TSEN2: variants seen among roughly 807,000 people sequenced by gnomAD.
TSEN2 encodes tRNA-splicing endonuclease subunit Sen2.
TSEN2 carries 54 observed loss-of-function variants against 59.2 expected under a neutral mutation model. That is an observed-to-expected ratio of 0.91 (90% confidence interval 0.73 to 1.14). The LOEUF is 1.14. TSEN2 is among the 50% of genes most tolerant of loss of function. The pLI, the probability that TSEN2 is intolerant of heterozygous loss-of-function variation, is 0.00. For missense variants in TSEN2, 636 were observed against 576.2 expected (o/e 1.10, Z -1.06); for synonymous variants, 195 against 198.2 (o/e 0.98, Z 0.14).
intron 1 of TSEN2, among the ~76,000 whole-genome samples, chr3:12,485,739 C>T (rs1178171897): frequency 6.6e-6 from 1 of 152,150 alleles, no homozygotes; most frequent in Non-Finnish European, 1.5e-5. Flanking sequence ...TTCTAAATAA[C>T]CTGCAGTGAC....
In TSEN2 at chr3:12,490,248, A is replaced by G. The variant is rs188902710; in HGVS notation, c.189+259A>G. ...ATGAAGTAGGTTCAATGGATTGACT[A>G]TTTTTTTTGTCTTTAGTTGTAAAAG... On this transcript the variant is annotated intron_variant, in intron 2 of 11. Coordinates refer to ENST00000284995, the MANE Select transcript of TSEN2 (RefSeq NM_025265.4). Among the ~76,000 whole-genome samples, 126 of 152,124 alleles carry G rather than the reference A, an allele frequency of 8.3e-4. 2 individuals carry two copies. Among genetic ancestry groups the G allele is most frequent in the African/African-American group, 2.9e-3 (122 of 41,498 alleles).
At chr3:12,535,412 A>C (rs1384098797), downstream of TSEN2, among the ~76,000 whole-genome samples, 1 of 152,210 alleles carries the variant, frequency 6.6e-6, no homozygotes, top group Non-Finnish European at 1.5e-5. Context: ...TAAAATGGTT[A>C]AACTAGGAGG....
intron 8 of TSEN2, among the ~76,000 whole-genome samples, chr3:12,523,015 T>G (rs2056772827): frequency 6.6e-6 from 1 of 152,180 alleles, no homozygotes. Flanking sequence ...AGCTTCCTTT[T>G]GTAGCAGAGG....
At chr3:12,506,578 CAA>C (rs537179433) in intron 6 of TSEN2, 6,512 of 349,140 alleles carry the variant, frequency 0.019, 1 homozygote, top group Non-Finnish European at 0.021. Flanking sequence ...GATCCTGTTT[CAA>C]AAAAAAAAAA....
At chr3:12,502,897 C>A (rs1182328360) in intron 4 of TSEN2, among the ~76,000 whole-genome samples, 1 of 151,794 alleles carries the variant, frequency 6.6e-6, no homozygotes, top group Non-Finnish European at 1.5e-5. Context: ...TATAGTGAAA[C>A]CCCATCTCTA....
chr3:12,539,622 T>C (rs2057763418), downstream of TSEN2: 1 of 161,936 alleles, frequency 6.2e-6, no homozygotes, highest in South Asian at 1.6e-4. Flanking sequence ...TGCTACCACT[T>C]TATGCTGTAA....
At chr3:12,494,311 C>A (rs992204386) in intron 3 of TSEN2, among the ~76,000 whole-genome samples, 1 of 152,024 alleles carries the variant, frequency 6.6e-6, no homozygotes, top group Admixed American at 6.5e-5. Context: ...TGCTGGTAAG[C>A]GAAGACAGCA....
Position 12,532,975 on chromosome 3 carries a change from C to G in TSEN2, c.*254C>G. ...AGAGCCTCCTGCCTCTGGCGTCAGT[C>G]TTTTCCCTCATCCACTCACTGGGGA... On this transcript the variant is annotated 3_prime_UTR_variant, in exon 12 of 12. Transcript: ENST00000284995. 1.8e-6 allele frequency: 1 copy of G among 556,526 alleles called. No individual in the cohort carries two copies. Among genetic ancestry groups the G allele is most frequent in the Admixed American group, 3.1e-5 (1 of 32,498 alleles). 34.5% of individuals were successfully genotyped at this position (556,526 alleles called of 1,614,324 possible).
chr3:12,502,303 T>A (rs2125038749), intron 4 of TSEN2, among the ~76,000 whole-genome samples: 1 of 152,264 alleles, frequency 6.6e-6, no homozygotes, highest in Non-Finnish European at 1.5e-5. Context: ...CCCAGCACTT[T>A]GGGAGGCCAA....
chr3:12,509,625 G>A (rs763073819), intron 6 of TSEN2, among the ~76,000 whole-genome samples: 10 of 152,156 alleles, frequency 6.6e-5, no homozygotes, highest in Admixed American at 3.9e-4. Context: ...TAGGGGTGGT[G>A]CAGACCAGCT....
chr3:12,507,936 A>T (rs1246729446), intron 6 of TSEN2, among the ~76,000 whole-genome samples: 2 of 152,250 alleles, frequency 1.3e-5, no homozygotes, highest in Admixed American at 1.3e-4. Flanking sequence ...GGCTTGCCAC[A>T]TGGACACAGG....
In TSEN2 at chr3:12,497,048, C is replaced by T. The variant is rs185882266; in HGVS notation, c.308+494C>T. On this transcript the variant is annotated intron_variant, in intron 4 of 11. Transcript: ENST00000284995. Reference sequence around the variant, plus strand: ...CTGCATGTGCTCAATCCTGCTCATGCCTGACCTCTCCTGGGTTTCTTTCCT... The same window carrying T: ...CTGCATGTGCTCAATCCTGCTCATGTCTGACCTCTCCTGGGTTTCTTTCCT... 6.4e-3 allele frequency among the ~76,000 whole-genome samples: 977 copies of T among 152,334 alleles called. 4 individuals are homozygous for T. Among genetic ancestry groups the T allele is most frequent in the African/African-American group, 0.022 (919 of 41,572 alleles).
At position 12,489,336 on chromosome 3, in the gene TSEN2, A is replaced by G. The variant is rs185675940; in HGVS notation, c.-17-448A>G. 7.2e-4 allele frequency among the ~76,000 whole-genome samples: 109 copies of G among 152,274 alleles called. 1 individual carries two copies. Among genetic ancestry groups the G allele is most frequent in the Non-Finnish European group, 1.1e-3 (78 of 67,994 alleles). ...TCTTGGAAAATGAAGTGCCTGCAAG[A>G]TTTAATTTGTTGAGGACAGGGTCTC... On this transcript the variant is annotated intron_variant, in intron 1 of 11. Coordinates refer to ENST00000284995, the MANE Select transcript of TSEN2 (RefSeq NM_025265.4).
intron 6 of TSEN2, among the ~76,000 whole-genome samples, 147 bp from the exon 7 acceptor site, chr3:12,516,442 ATATATGTGTGTGTGTGTGTGTG>A (rs1254222534): frequency 6.7e-5 from 6 of 89,098 alleles, no homozygotes; most frequent in African/African-American, 2.5e-4. Flanking sequence ...AACAAACAAA[ATATATGTGTGTGTGTGTGTGTG>A]TGTGTGTGTG....
At chr3:12,494,120 G>A (rs80349702) in intron 3 of TSEN2, among the ~76,000 whole-genome samples, 3,745 of 152,214 alleles carry the variant, frequency 0.025, 68 homozygotes, top group South Asian at 0.06. Flanking sequence ...TTAACAATAC[G>A]CTGACAAAAA....
rs916763672 is a variant in TSEN2 at position 12,490,009 on chromosome 3, G to A, written c.189+20G>A. On this transcript the variant is annotated intron_variant, in intron 2 of 11. Transcript: ENST00000284995. ...GGGAAAGTAAGTGCAGGCAGCCTTGGTAAGATTACTTTCAGACAACCCTGA... is the reference window on the plus strand; with the variant it reads ...GGGAAAGTAAGTGCAGGCAGCCTTGATAAGATTACTTTCAGACAACCCTGA... 1 of 1,612,958 alleles carries A rather than the reference G, an allele frequency of 6.2e-7. No homozygotes were observed. Among genetic ancestry groups the A allele is most frequent in the African/African-American group, 1.3e-5 (1 of 74,890 alleles).
intron 7 of TSEN2, among the ~76,000 whole-genome samples, chr3:12,518,417 A>C (rs971552621): frequency 7.9e-5 from 12 of 152,064 alleles, no homozygotes; most frequent in Admixed American, 4.6e-4. Flanking sequence ...CCCTGCATGC[A>C]CTGCTTCCTC....
chr3:12,500,259 C>T (rs1461968411), intron 4 of TSEN2, among the ~76,000 whole-genome samples: 1 of 152,242 alleles, frequency 6.6e-6, no homozygotes, highest in Non-Finnish European at 1.5e-5. Context: ...TAGAGGACGC[C>T]TTCAGCTCTG....
chr3:12,483,974 GCA>G (rs945678089), upstream of TSEN2, among the ~76,000 whole-genome samples: 11 of 152,332 alleles, frequency 7.2e-5, no homozygotes, highest in South Asian at 4.1e-4. Context: ...TCCCTTAACT[GCA>G]CAGGCAGTCT....
Sources: allele counts gnomAD v4.1 joint callset (sites outside exome capture counted in the v4.1 genomes callset), GRCh38; gene constraint gnomAD v4.1.1; transcripts MANE v1.5; gene names NCBI Gene and HGNC (gene_info 2026-07-23, HGNC 2026-07-21).